Variants in GALNT13 observed in about 807,000 individuals in gnomAD.
GALNT13 encodes the protein polypeptide N-acetylgalactosaminyltransferase 13, also known as UDP-GalNAc:polypeptide N-acetylgalactosaminyltransferase 13.
GALNT13 carries 28 observed loss-of-function variants against 64.2 expected under a neutral mutation model. That is an observed-to-expected ratio of 0.44 (90% CI 0.32 to 0.60). The LOEUF (loss-of-function observed/expected upper bound fraction) is 0.60. GALNT13 is among the 20% of genes least tolerant of loss of function. The pLI is 0.05. For synonymous variants in GALNT13, 214 were observed against 224.6 expected (o/e 0.95, Z 0.42); for missense variants, 577 against 669.8 (o/e 0.86, Z 1.53).
At chr2:153,130,987 C>G in the GALNT13 span, among the ~76,000 whole-genome samples, 1 of 152,144 alleles carries the variant, frequency 6.6e-6, no homozygotes, top group African/African-American at 2.4e-5. Flanking sequence ...ACAAGTCTTC[C>G]ACAAACATAT....
chr2:153,593,542 T>A, the GALNT13 span, among the ~76,000 whole-genome samples: 1 of 152,208 alleles, frequency 6.6e-6, no homozygotes, highest in African/African-American at 2.4e-5. Context: ...ATCCTGTTGC[T>A]TTTGTTGAGA....
At chr2:153,682,969 T>C in the GALNT13 span, among the ~76,000 whole-genome samples, 2 of 151,730 alleles carry the variant, frequency 1.3e-5, no homozygotes, top group Non-Finnish European at 2.9e-5. Context: ...TTTCTAAATG[T>C]AGAGATCTTT....
At chr2:154,155,873 T>G (rs184561653) in intron 4 of GALNT13, among the ~76,000 whole-genome samples, 1 of 151,768 alleles carries the variant, frequency 6.6e-6, no homozygotes, top group East Asian at 1.9e-4. Flanking sequence ...AAGTCCAACT[T>G]GAAATAAATG....
At chr2:153,268,394 C>G in the GALNT13 span, among the ~76,000 whole-genome samples, 1 of 152,206 alleles carries the variant, frequency 6.6e-6, no homozygotes, top group Non-Finnish European at 1.5e-5. Flanking sequence ...CACACTGATG[C>G]AACAGGTGAG....
chr2:154,266,907 A>G (rs1173675843), intron 8 of GALNT13, among the ~76,000 whole-genome samples: 1 of 151,548 alleles, frequency 6.6e-6, no homozygotes, highest in Non-Finnish European at 1.5e-5. Flanking sequence ...CTAAAAATGC[A>G]TTAATAAAGA....
the GALNT13 span, among the ~76,000 whole-genome samples, chr2:153,533,266 T>C: frequency 2.0e-5 from 3 of 152,124 alleles, no homozygotes; most frequent in Non-Finnish European, 4.4e-5. Flanking sequence ...TTTTTTTTCT[T>C]TTTCAATGGA....
the GALNT13 span, among the ~76,000 whole-genome samples, chr2:153,840,337 C>T: frequency 6.6e-6 from 1 of 151,928 alleles, no homozygotes; most frequent in African/African-American, 2.4e-5. Flanking sequence ...TTTTAAGAAA[C>T]AAAATGTTAA....
chr2:153,435,172 C>T, the GALNT13 span, among the ~76,000 whole-genome samples: 1 of 152,166 alleles, frequency 6.6e-6, no homozygotes, highest in African/African-American at 2.4e-5. Flanking sequence ...GGGCTCTGTT[C>T]TGTTACATTG....
At chr2:154,032,771 CTTA>C (rs940650772) in intron 3 of GALNT13, among the ~76,000 whole-genome samples, 2 of 150,614 alleles carry the variant, frequency 1.3e-5, no homozygotes, top group Non-Finnish European at 3.0e-5. Flanking sequence ...AAATAAGACA[CTTA>C]TTATAGAAAT....
chr2:153,175,764 G>T, the GALNT13 span, among the ~76,000 whole-genome samples: 1,025 of 152,164 alleles, frequency 6.7e-3, 10 homozygotes, highest in African/African-American at 0.023. Context: ...TAGGAGCAAC[G>T]AGAACTAGAG....
At chr2:154,022,078 T>G (rs1415819121) in intron 3 of GALNT13, among the ~76,000 whole-genome samples, 1 of 152,144 alleles carries the variant, frequency 6.6e-6, no homozygotes, top group Non-Finnish European at 1.5e-5. Flanking sequence ...GAATAAGCTT[T>G]TTGATGTGCT....
At chr2:153,741,318 C>T in the GALNT13 span, among the ~76,000 whole-genome samples, 1 of 151,828 alleles carries the variant, frequency 6.6e-6, no homozygotes, top group Non-Finnish European at 1.5e-5. Context: ...TATTAATATG[C>T]TTTGCCTTTC....
the GALNT13 span, among the ~76,000 whole-genome samples, chr2:153,081,162 A>G: frequency 4.6e-3 from 701 of 152,158 alleles, 1 homozygote; most frequent in African/African-American, 0.016. Flanking sequence ...TATATGGTAT[A>G]TACATTTTTA....
the GALNT13 span, among the ~76,000 whole-genome samples, chr2:153,703,770 A>G: frequency 6.6e-6 from 1 of 152,164 alleles, no homozygotes; most frequent in African/African-American, 2.4e-5. Flanking sequence ...CATGTATTGG[A>G]AAAATAGCTC....
chr2:153,975,523 T>A (rs965822261), intron 3 of GALNT13, among the ~76,000 whole-genome samples: 2 of 152,142 alleles, frequency 1.3e-5, no homozygotes, highest in Non-Finnish European at 2.9e-5. Flanking sequence ...CATTTTCTAC[T>A]CTTAACTACT....
At chr2:153,415,143 C>T in the GALNT13 span, among the ~76,000 whole-genome samples, 1 of 152,130 alleles carries the variant, frequency 6.6e-6, no homozygotes, top group Non-Finnish European at 1.5e-5. Context: ...ATCCAGAAGA[C>T]GTCAGAAAGA....
chr2:153,630,775 A>T, the GALNT13 span, among the ~76,000 whole-genome samples: 8 of 7,222 alleles, frequency 1.1e-3, no homozygotes, highest in South Asian at 0.01. Flanking sequence ...ATATATATAT[A>T]TATATATATA....
At chr2:154,120,873 G>A (rs992546181) in intron 3 of GALNT13, among the ~76,000 whole-genome samples, 12 of 152,048 alleles carry the variant, frequency 7.9e-5, no homozygotes, top group African/African-American at 1.7e-4. Context: ...AGATTCATGC[G>A]CTAGTCACTA....
At chr2:153,143,405 T>C in the GALNT13 span, among the ~76,000 whole-genome samples, 1 of 152,044 alleles carries the variant, frequency 6.6e-6, no homozygotes, top group African/African-American at 2.4e-5. Context: ...TGATGCCAGA[T>C]ACTAGGGTCC....
Sources: allele counts gnomAD v4.1 joint callset (sites outside exome capture counted in the v4.1 genomes callset), GRCh38; gene constraint gnomAD v4.1.1; transcripts MANE v1.5; gene names NCBI Gene and HGNC (gene_info 2026-07-23, HGNC 2026-07-21).